The following EYA4 variants were observed in gnomAD, a reference collection of about 807,000 sequenced individuals.
The protein encoded by EYA4 is EYA transcriptional coactivator and phosphatase 4, also known as protein phosphatase EYA4.
In EYA4, 31 loss-of-function variants were observed where a neutral mutation model predicts 87.9. The observed-to-expected ratio is 0.35, with a 90% confidence interval of 0.27 to 0.48. The LOEUF (loss-of-function observed/expected upper bound fraction) is 0.48. EYA4 is among the 20% of genes least tolerant of loss of function. The probability of loss-of-function intolerance (pLI) is 0.99; values close to 1 mark genes in which losing one functional copy is unlikely to be tolerated. For synonymous variants in EYA4, 263 were observed against 270.6 expected (o/e 0.97, Z 0.28); for missense variants, 678 against 761.4 (o/e 0.89, Z 1.29).
chr6:133,413,015 T>C (rs949663268), intron 3 of EYA4, among the ~76,000 whole-genome samples: 3 of 152,174 alleles, frequency 2.0e-5, no homozygotes, highest in Admixed American at 1.3e-4. Context: ...TATTCTAAAG[T>C]ACAGAATTAT....
intron 2 of EYA4, among the ~76,000 whole-genome samples, chr6:133,293,716 T>G (rs79412930): frequency 0.15 from 22,741 of 151,774 alleles, 1,747 homozygotes; most frequent in Non-Finnish European, 0.17. Context: ...CCAGGGGATT[T>G]CTTGAGCCCA....
chr6:133,283,339 A>G (rs981779322), intron 2 of EYA4, among the ~76,000 whole-genome samples: 32 of 152,198 alleles, frequency 2.1e-4, no homozygotes, highest in African/African-American at 7.0e-4. Flanking sequence ...AATAATTTTT[A>G]TGATAGAAAT....
intron 3 of EYA4, among the ~76,000 whole-genome samples, chr6:133,401,364 C>A (rs924191727): frequency 2.3e-5 from 3 of 132,016 alleles, no homozygotes; most frequent in Non-Finnish European, 5.3e-5. Flanking sequence ...TAATATTAAT[C>A]TATTGTACAT....
Position 133,382,436 on chromosome 6 carries a change from T to C in EYA4, c.78T>C (p.Asn26=). The change falls in exon 3 of 20, where the codon AAT becomes AAC. Residue 26 remains asparagine, a synonymous_variant. Coordinates refer to ENST00000355286, the MANE Select transcript of EYA4 (RefSeq NM_004100.5). Reference sequence around the variant, plus strand: ...AATCAGATGTTTCACAATCTCAGAATTCCAGGTACAGTAAAATAAAGACCA... The same window carrying C: ...AATCAGATGTTTCACAATCTCAGAACTCCAGGTACAGTAAAATAAAGACCA... ...CTESDVSQSQ[N]SRSMEMQDLA... The C allele has an allele frequency of 6.2e-7, 1 of 1,609,646 alleles. No homozygotes were observed. The highest frequency in any genetic ancestry group is 8.5e-7 in the Non-Finnish European group (1 of 1,175,990).
At chr6:133,302,861 A>T (rs1428712210) in intron 2 of EYA4, among the ~76,000 whole-genome samples, 4 of 152,174 alleles carry the variant, frequency 2.6e-5, no homozygotes, top group African/African-American at 9.7e-5. Flanking sequence ...ACCACAGATA[A>T]AAGTTTTATA....
At position 133,461,331 on chromosome 6, in the gene EYA4, A is replaced by G. The variant is rs192989642; in HGVS notation, c.437+151A>G. 3.2e-3 allele frequency: 2,174 copies of G among 682,288 alleles called. 45 individuals are homozygous for G. The highest frequency in any genetic ancestry group is 5.4e-4 in the Non-Finnish European group (203 of 372,976). The allele number at this position is 682,288 out of a possible 1,614,324, so 42.3% of individuals were successfully genotyped here. A position where few individuals can be genotyped will look rare whatever the true frequency, so the allele number is the denominator to read the frequency against. ...GGAGACACCCACATGTATCTTGATG[A>G]TTCCCTTGAATATTTATGTATACCT... On this transcript the variant is annotated intron_variant, in intron 7 of 19. Transcript: ENST00000355286.
At chr6:133,313,500 C>A (rs2128337363) in intron 2 of EYA4, among the ~76,000 whole-genome samples, 1 of 152,198 alleles carries the variant, frequency 6.6e-6, no homozygotes, top group Non-Finnish European at 1.5e-5. Context: ...TCCAGCTGAT[C>A]TACAGTATAT....
intron 5 of EYA4, among the ~76,000 whole-genome samples, chr6:133,451,401 A>G (rs1793429228): frequency 6.6e-6 from 1 of 152,230 alleles, no homozygotes; most frequent in African/African-American, 2.4e-5. Flanking sequence ...TGCCAATTAT[A>G]TGAAAATTTA....
At chr6:133,458,730 C>T (rs1794121446) in intron 6 of EYA4, among the ~76,000 whole-genome samples, 1 of 152,074 alleles carries the variant, frequency 6.6e-6, no homozygotes, top group Admixed American at 6.6e-5. Flanking sequence ...AAAATTCTCA[C>T]CCCCACCCAC....
intron 2 of EYA4, among the ~76,000 whole-genome samples, chr6:133,294,993 T>A (rs957506253): frequency 6.6e-6 from 1 of 152,222 alleles, no homozygotes; most frequent in Non-Finnish European, 1.5e-5. Context: ...TAGTGTAATA[T>A]AGCTAAATTG....
intron 1 of EYA4, among the ~76,000 whole-genome samples, chr6:133,242,960 G>A (rs76738042): frequency 0.037 from 5,676 of 152,280 alleles, 378 homozygotes; most frequent in African/African-American, 0.13. Flanking sequence ...CGGGCCTAGA[G>A]AGTCATTCAT....
chr6:133,437,271 A>G (rs1029032581), intron 3 of EYA4, among the ~76,000 whole-genome samples: 19 of 152,148 alleles, frequency 1.2e-4, no homozygotes, highest in African/African-American at 4.1e-4. Flanking sequence ...TAACCTGAAA[A>G]CTATTCAAAA....
chr6:133,296,205 G>A (rs1260868611), intron 2 of EYA4, among the ~76,000 whole-genome samples: 2 of 152,178 alleles, frequency 1.3e-5, no homozygotes, highest in Non-Finnish European at 2.9e-5. Context: ...ACAGAAATGA[G>A]GCTAGTGTAT....
At chr6:133,309,909 G>A (rs981402645) in intron 2 of EYA4, among the ~76,000 whole-genome samples, 4 of 152,144 alleles carry the variant, frequency 2.6e-5, no homozygotes, top group Non-Finnish European at 4.4e-5. Context: ...TCTGGGATTT[G>A]TAGGAGAGTA....
At chr6:133,334,388 T>C (rs950805158) in intron 2 of EYA4, among the ~76,000 whole-genome samples, 2 of 152,200 alleles carry the variant, frequency 1.3e-5, no homozygotes, top group African/African-American at 4.8e-5. Context: ...TAGTCCAGAA[T>C]GGAACTTTTC....
intron 13 of EYA4, among the ~76,000 whole-genome samples, chr6:133,492,704 A>C (rs1381221535): frequency 6.6e-6 from 1 of 152,346 alleles, no homozygotes; most frequent in South Asian, 2.1e-4. Context: ...TTTTTAGAAA[A>C]GCTTAAAGAT....
At chr6:133,480,225 G>A (rs925398618) in intron 11 of EYA4, among the ~76,000 whole-genome samples, 11 of 152,216 alleles carry the variant, frequency 7.2e-5, no homozygotes, top group African/African-American at 2.7e-4. Flanking sequence ...AGAACTAGGA[G>A]AGTGCAAGGT....
At position 133,290,821 on chromosome 6, in the gene EYA4, T is replaced by C. The variant is rs186063326; in HGVS notation, c.33+16008T>C. 3.8e-3 allele frequency among the ~76,000 whole-genome samples: 579 copies of C among 152,326 alleles called. 4 individuals carry two copies. The highest frequency in any genetic ancestry group is 0.013 in the African/African-American group (539 of 41,572). On this transcript the variant is annotated intron_variant, in intron 2 of 19. Coordinates refer to ENST00000355286, the MANE Select transcript of EYA4 (RefSeq NM_004100.5). Reference sequence around the variant, plus strand: ...ACACTTTGTTTTGAAATGAGGTTTTTTGATTCGTTCCAACCTTCACACAAA... The same window carrying C: ...ACACTTTGTTTTGAAATGAGGTTTTCTGATTCGTTCCAACCTTCACACAAA...
intron 2 of EYA4, among the ~76,000 whole-genome samples, chr6:133,290,921 G>C (rs986357923): frequency 2.0e-5 from 3 of 152,034 alleles, no homozygotes; most frequent in African/African-American, 7.2e-5. Context: ...TGAAAACTGT[G>C]GTGAGTTATT....
Sources: gnomAD v4.1 joint callset for allele counts (sites outside exome capture counted in the v4.1 genomes callset) on GRCh38, gnomAD v4.1.1 for gene constraint, MANE v1.5 for transcripts, NCBI Gene and HGNC (gene_info 2026-07-23, HGNC 2026-07-21) for gene names.